The following AGAP1 variants were observed in gnomAD, a reference collection of about 807,000 sequenced individuals.
AGAP1 encodes the protein ArfGAP with GTPase domain, ankyrin repeat and PH domain 1.
AGAP1 carries 29 observed loss-of-function variants against 105.3 expected under a neutral mutation model. The ratio of observed to expected loss-of-function variants is 0.28; its 90% CI spans 0.21 to 0.38. The LOEUF (loss-of-function observed/expected upper bound fraction) is 0.38. AGAP1 is among the 10% of genes least tolerant of loss of function. AGAP1 has a pLI of 1.00. For synonymous variants in AGAP1, 509 were observed against 485.9 expected (o/e 1.05, Z -0.63); for missense variants, 998 against 1,165.1 (o/e 0.86, Z 2.09).
rs1946238718 is a variant in AGAP1 at position 235,614,344 on chromosome 2, T to G, written c.164-94835T>G. ...AAAGGGCTGCTGGCGAGTGGGAGTT[T>G]TCTAGGGAGCCGCTGCTCTTGCTTC... is the stretch of plus-strand genomic sequence containing the variant. On this transcript the variant is annotated intron_variant, in intron 1 of 17. Transcript: ENST00000304032. The surrounding 1 kb of genome is among the most constrained non-coding windows in gnomAD (Gnocchi z 4.7). Among the ~76,000 whole-genome samples the G allele has an allele frequency of 6.6e-6, 1 of 151,976 alleles. No individual in the cohort carries two copies. Among genetic ancestry groups the G allele is most frequent in the African/African-American group, 2.4e-5 (1 of 41,364 alleles).
At chr2:235,661,893 G>A (rs1229706633) in intron 1 of AGAP1, among the ~76,000 whole-genome samples, 2 of 152,314 alleles carry the variant, frequency 1.3e-5, no homozygotes, top group Admixed American at 6.5e-5. Context: ...CTCTGAGTTG[G>A]GATGGAAAGG....
chr2:235,985,140 C>G (rs1176149228), intron 13 of AGAP1, among the ~76,000 whole-genome samples: 2 of 152,218 alleles, frequency 1.3e-5, no homozygotes, highest in Non-Finnish European at 2.9e-5. Context: ...TTAATAATCA[C>G]CATTCTAACT....
rs1415465291 is a variant in AGAP1, at chr2:235,951,761, C to G, written c.1484-16701C>G. Among the ~76,000 whole-genome samples, 1 of 152,144 alleles carries G rather than the reference C, an allele frequency of 6.6e-6. No individual in the cohort carries two copies. The highest frequency in any genetic ancestry group is 1.5e-5 in the Non-Finnish European group (1 of 68,026). On this transcript the variant is annotated intron_variant, in intron 12 of 17. Transcript: ENST00000304032. This position sits in a 1 kb window ranked among gnomAD's most constrained non-coding sequence, Gnocchi z 4.2. The stretch of plus-strand genomic sequence containing the variant: ...CCTGGATGACTGGAGCCTTGGGCTG[C>G]AGATGAGTTACACCACACCAGTCTC...
rs1418757539 is a variant in AGAP1, at chr2:236,121,663, C to T, written c.2370+1216C>T. On this transcript the variant is annotated intron_variant, in intron 17 of 17. Transcript: ENST00000304032. The surrounding 1 kb of genome is among the most constrained non-coding windows in gnomAD (Gnocchi z 4.9). Reference sequence around the variant, plus strand: ...TGAGATATAGACACTACACCAAAATCACACAGATACTCCCTTTTGCTCATG... The same window carrying T: ...TGAGATATAGACACTACACCAAAATTACACAGATACTCCCTTTTGCTCATG... Among the ~76,000 whole-genome samples, 1 of 152,158 alleles carries T rather than the reference C, an allele frequency of 6.6e-6. No homozygotes were observed. The highest frequency in any genetic ancestry group is 2.4e-5 in the African/African-American group (1 of 41,442).
chr2:235,812,940 G>A (rs1031133182), intron 9 of AGAP1, among the ~76,000 whole-genome samples: 9 of 152,252 alleles, frequency 5.9e-5, no homozygotes, highest in African/African-American at 2.2e-4. Context: ...TGCCCTGCAA[G>A]CTAATTGACC....
rs2125392470 is a variant in AGAP1 at position 235,977,761 on chromosome 2, A to G, written c.1645+9138A>G. ...TTCTAAAGATGTAAAACAAAAGGGG[A>G]TATTGACTAATGCAAAACTTAGTCT... On this transcript the variant is annotated intron_variant, in intron 13 of 17. Transcript: ENST00000304032. This position sits in a 1 kb window ranked among gnomAD's most constrained non-coding sequence, Gnocchi z 5.2. Among the ~76,000 whole-genome samples, 1 of 152,262 alleles carries G rather than the reference A, an allele frequency of 6.6e-6. No individual in the cohort carries two copies. Among genetic ancestry groups the G allele is most frequent in the South Asian group, 2.1e-4 (1 of 4,828 alleles).
At position 235,612,958 on chromosome 2, in the gene AGAP1, C is replaced by T. The variant is rs534964222; in HGVS notation, c.164-96221C>T. ...GATGTCCTTCTAATTTGGAGTTAAC[C>T]TCTCTTTCCCAGGTGAGGTTAGCAA... On this transcript the variant is annotated intron_variant, in intron 1 of 17. Coordinates refer to ENST00000304032, the MANE Select transcript of AGAP1 (RefSeq NM_001037131.3). This position sits in a 1 kb window ranked among gnomAD's most constrained non-coding sequence, Gnocchi z 4.3. Among the ~76,000 whole-genome samples, 1 of 152,212 alleles carries T rather than the reference C, an allele frequency of 6.6e-6. No individual in the cohort carries two copies. The highest frequency in any genetic ancestry group is 2.1e-4 in the South Asian group (1 of 4,820).
At chr2:235,546,382 GA>G (rs1943622422) in intron 1 of AGAP1, among the ~76,000 whole-genome samples, 1 of 152,120 alleles carries the variant, frequency 6.6e-6, no homozygotes. Context: ...GAAGGGACAA[GA>G]AAAGTGGAAG....
intron 1 of AGAP1, among the ~76,000 whole-genome samples, chr2:235,497,450 T>C (rs962408364): frequency 6.6e-6 from 1 of 152,240 alleles, no homozygotes. Flanking sequence ...TCATAACAAA[T>C]GGCTCAAAAA....
chr2:235,845,150 C>T lies in AGAP1; in HGVS notation c.1050+37819C>T, dbSNP rs1961324608. 6.6e-6 allele frequency among the ~76,000 whole-genome samples: 1 copy of T among 152,154 alleles called. No individual in the cohort carries two copies. Among genetic ancestry groups the T allele is most frequent in the African/African-American group, 2.4e-5 (1 of 41,428 alleles). Reference sequence around the variant, plus strand: ...CTCAAACAGAGAACTGTAGATGGGGCTGAAGCTTAGTCCCAAGAGCCACAC... The same window carrying T: ...CTCAAACAGAGAACTGTAGATGGGGTTGAAGCTTAGTCCCAAGAGCCACAC... On this transcript the variant is annotated intron_variant, in intron 9 of 17. Coordinates refer to ENST00000304032, the MANE Select transcript of AGAP1 (RefSeq NM_001037131.3). The surrounding 1 kb of genome is among the most constrained non-coding windows in gnomAD (Gnocchi z 4.8).
chr2:236,094,416 A>G (rs915911980), intron 16 of AGAP1, among the ~76,000 whole-genome samples: 3 of 151,476 alleles, frequency 2.0e-5, no homozygotes, highest in South Asian at 2.1e-4. Flanking sequence ...GCATGGCTCA[A>G]TCACGGCCCA....
rs1157541694 is a variant in AGAP1, at chr2:235,599,976, ATTC to A, written c.163+105131_163+105133del. ...TTCCACTGTGATTTGAAAACAGGCG[ATTC>A]TTCCAGACAACTTTAAAGATGAGTA... is the stretch of plus-strand genomic sequence containing the variant. On this transcript the variant is annotated intron_variant, in intron 1 of 17. Coordinates refer to ENST00000304032, the MANE Select transcript of AGAP1 (RefSeq NM_001037131.3). The surrounding 1 kb of genome is among the most constrained non-coding windows in gnomAD (Gnocchi z 5.3). Among the ~76,000 whole-genome samples the A allele has an allele frequency of 2.0e-5, 3 of 152,218 alleles. No individual in the cohort carries two copies. The highest frequency in any genetic ancestry group is 4.4e-5 in the Non-Finnish European group (3 of 68,042).
intron 16 of AGAP1, among the ~76,000 whole-genome samples, chr2:236,115,650 A>G (rs56297616): frequency 0.082 from 12,524 of 152,224 alleles, 715 homozygotes; most frequent in Middle Eastern, 0.18. Context: ...TCCTGTTTTC[A>G]TACTAGTGAA....
intron 1 of AGAP1, among the ~76,000 whole-genome samples, chr2:235,680,811 G>A (rs1043459711): frequency 4.6e-5 from 7 of 152,068 alleles, no homozygotes; most frequent in Non-Finnish European, 7.4e-5. Flanking sequence ...GTGGCTGCGG[G>A]CTCCCAGAGG....
intron 13 of AGAP1, among the ~76,000 whole-genome samples, chr2:236,034,147 T>C (rs2057308141): frequency 6.6e-6 from 1 of 152,104 alleles, no homozygotes; most frequent in African/African-American, 2.4e-5. Flanking sequence ...AGAATCTGTA[T>C]GGAAAAGGTT....
rs375877935 is a variant in AGAP1, at chr2:235,717,544, G to A, written c.223-13G>A. ...ATTTGATGATGCTTAACGGTTGTCC[G>A]TTTCTGTTTCAGGGAATTGTGGGTA... On this transcript the variant is annotated splice_polypyrimidine_tract_variant and intron_variant, in intron 2 of 17. Coordinates refer to ENST00000304032, the MANE Select transcript of AGAP1 (RefSeq NM_001037131.3). 1.3e-5 allele frequency: 21 copies of A among 1,584,526 alleles called. 1 individual carries two copies. In the African/African-American group the frequency reaches 1.9e-4, roughly 14 times the overall value.
At chr2:235,607,201 C>T (rs1349087244) in intron 1 of AGAP1, among the ~76,000 whole-genome samples, 1 of 152,084 alleles carries the variant, frequency 6.6e-6, no homozygotes, top group Admixed American at 6.5e-5. Context: ...CCCTTCCCTG[C>T]CCAGACCCAG....
Position 235,556,101 on chromosome 2 carries a change from A to G in AGAP1, c.163+61252A>G, listed in dbSNP as rs1304807233. ...TTGGCTTCTGGAAGCCTCCAGAAGGATGGACGGGGGCACTGAGACCTGAAG... is the reference window on the plus strand; with the variant it reads ...TTGGCTTCTGGAAGCCTCCAGAAGGGTGGACGGGGGCACTGAGACCTGAAG... On this transcript the variant is annotated intron_variant, in intron 1 of 17. Coordinates refer to ENST00000304032, the MANE Select transcript of AGAP1 (RefSeq NM_001037131.3). The surrounding 1 kb of genome is among the most constrained non-coding windows in gnomAD (Gnocchi z 5.3). Among the ~76,000 whole-genome samples, 2 of 152,198 alleles carry G rather than the reference A, an allele frequency of 1.3e-5. No homozygotes were observed. The highest frequency in any genetic ancestry group is 4.8e-5 in the African/African-American group (2 of 41,454).
At chr2:235,726,980 A>G (rs1377722806) in intron 3 of AGAP1, among the ~76,000 whole-genome samples, 1 of 152,140 alleles carries the variant, frequency 6.6e-6, no homozygotes, top group Non-Finnish European at 1.5e-5. Flanking sequence ...AGGTCTCCCC[A>G]CTTGGTAGCA....
Sources: allele counts gnomAD v4.1 joint callset (sites outside exome capture counted in the v4.1 genomes callset), GRCh38; gene constraint gnomAD v4.1.1; non-coding constraint Gnocchi (gnomAD v3.1); transcripts MANE v1.5; gene names NCBI Gene and HGNC (gene_info 2026-07-23, HGNC 2026-07-21).